Variants in SOX5 observed in about 807,000 individuals in gnomAD.
SOX5 encodes transcription factor SOX-5.
SOX5 carries 9 observed loss-of-function variants against 92.0 expected under a neutral mutation model. The observed-to-expected ratio is 0.10, with a 90% CI of 0.06 to 0.17. The LOEUF (loss-of-function observed/expected upper bound fraction) is 0.17, where lower values mean the gene tolerates loss of function less well. Among genes scored for constraint, SOX5 ranks in the 10% least tolerant of loss-of-function variants. The pLI is 1.00. For missense variants in SOX5, 642 were observed against 944.5 expected (o/e 0.68, Z 4.20); for synonymous variants, 344 against 336.3 (o/e 1.02, Z -0.25).
At chr12:23,556,697 T>C (rs1945235616) in intron 11 of SOX5, among the ~76,000 whole-genome samples, 1 of 152,210 alleles carries the variant, frequency 6.6e-6, no homozygotes, top group African/African-American at 2.4e-5. Flanking sequence ...GCAACATTTA[T>C]AAAACCCATC....
intron 4 of SOX5, among the ~76,000 whole-genome samples, chr12:23,967,306 T>C (rs990314092): frequency 6.6e-6 from 1 of 152,068 alleles, no homozygotes; most frequent in African/African-American, 2.4e-5. Flanking sequence ...GAAAAGTCAA[T>C]TGAAACTGAG....
intron 4 of SOX5, among the ~76,000 whole-genome samples, chr12:24,199,639 A>T (rs1458009046): frequency 6.6e-6 from 1 of 152,182 alleles, no homozygotes; most frequent in Non-Finnish European, 1.5e-5. Context: ...AATGGTTCCA[A>T]CTAAAATTAG....
intron 3 of SOX5, among the ~76,000 whole-genome samples, chr12:23,830,888 T>C (rs182081199): frequency 6.6e-6 from 1 of 152,286 alleles, no homozygotes; most frequent in Admixed American, 6.5e-5. Context: ...AGAACAAGCA[T>C]TGTGATTTAT....
chr12:23,947,501 A>C (rs1944786050), intron 1 of SOX5, among the ~76,000 whole-genome samples: 1 of 151,966 alleles, frequency 6.6e-6, no homozygotes, highest in Non-Finnish European at 1.5e-5. Flanking sequence ...AATGTAAACA[A>C]ATAGTAATGA....
At chr12:23,886,211 C>A (rs2137303802) in intron 2 of SOX5, among the ~76,000 whole-genome samples, 1 of 152,086 alleles carries the variant, frequency 6.6e-6, no homozygotes, top group South Asian at 2.1e-4. Flanking sequence ...CTTGTATATA[C>A]TATTAATTGA....
At chr12:23,760,546 C>T (rs1023680665) in intron 3 of SOX5, among the ~76,000 whole-genome samples, 18 of 152,060 alleles carry the variant, frequency 1.2e-4, no homozygotes, top group African/African-American at 4.3e-4. Flanking sequence ...TCCCTTCTCA[C>T]TCTTGCCTCT....
chr12:23,985,336 A>T (rs528267945), intron 4 of SOX5, among the ~76,000 whole-genome samples: 1 of 151,984 alleles, frequency 6.6e-6, no homozygotes, highest in East Asian at 1.9e-4. Context: ...GTAGCCTCAA[A>T]CTCCTGGCCT....
At chr12:24,446,702 A>C (rs1317986436) in intron 1 of SOX5, among the ~76,000 whole-genome samples, 3 of 152,232 alleles carry the variant, frequency 2.0e-5, no homozygotes, top group African/African-American at 7.2e-5. Context: ...GCCACAGAGC[A>C]GGCAAGAGGT....
intron 4 of SOX5, among the ~76,000 whole-genome samples, chr12:23,987,853 T>C (rs1319501884): frequency 5.3e-5 from 8 of 152,106 alleles, no homozygotes; most frequent in South Asian, 4.1e-4. Context: ...TGGGAATTCA[T>C]TGAAAGGTTA....
intron 1 of SOX5, among the ~76,000 whole-genome samples, chr12:24,544,881 A>ATT (rs1952472976): frequency 6.6e-6 from 1 of 152,254 alleles, no homozygotes; most frequent in African/African-American, 2.4e-5. Context: ...AAGAAGAAAA[A>ATT]GTCAACTGGC....
chr12:23,793,122 C>T (rs2095505150), intron 3 of SOX5, among the ~76,000 whole-genome samples: 2 of 152,108 alleles, frequency 1.3e-5, no homozygotes, highest in South Asian at 4.1e-4. Flanking sequence ...CAGTAATCTT[C>T]CTGTAACTAT....
intron 4 of SOX5, among the ~76,000 whole-genome samples, chr12:24,146,213 TA>T (rs1951066575): frequency 6.6e-6 from 1 of 152,148 alleles, no homozygotes; most frequent in South Asian, 2.1e-4. Flanking sequence ...ATGGAATATT[TA>T]CAGAGTCCAT....
chr12:24,326,811 G>A (rs957848734), intron 2 of SOX5, among the ~76,000 whole-genome samples: 1 of 28,866 alleles, frequency 3.5e-5, no homozygotes, highest in Non-Finnish European at 8.8e-5. Context: ...CACACACACA[G>A]GTCTACCCAC....
At chr12:24,215,656 T>G in intron 3 of SOX5, among the ~76,000 whole-genome samples, 1 of 152,160 alleles carries the variant, frequency 6.6e-6, no homozygotes, top group East Asian at 1.9e-4. Flanking sequence ...CTTAATATTC[T>G]TAAAATGATA....
intron 4 of SOX5, among the ~76,000 whole-genome samples, chr12:24,146,748 A>AG (rs1464269997): frequency 6.6e-6 from 1 of 151,842 alleles, no homozygotes; most frequent in African/African-American, 2.4e-5. Context: ...AAAAAAAAAA[A>AG]AAAAGGAGAG....
At chr12:24,484,880 G>A (rs1946361190) in intron 1 of SOX5, among the ~76,000 whole-genome samples, 1 of 152,100 alleles carries the variant, frequency 6.6e-6, no homozygotes, top group Non-Finnish European at 1.5e-5. Context: ...ATAAGTAAAT[G>A]ATAAAATTAA....
intron 2 of SOX5, among the ~76,000 whole-genome samples, chr12:24,362,366 T>A (rs1355925168): frequency 1.3e-5 from 2 of 152,218 alleles, no homozygotes; most frequent in African/African-American, 4.8e-5. Context: ...CTGCTAAGAT[T>A]TAGTCCTTTT....
At position 23,655,958 on chromosome 12, in the gene SOX5, A is replaced by G. The variant is rs183096830; in HGVS notation, c.931+9486T>C. ...AACAGGAGTATATATTTAATGAATCATAATGATATTTTATATTTATACAAT... is the reference window on the plus strand; with the variant it reads ...AACAGGAGTATATATTTAATGAATCGTAATGATATTTTATATTTATACAAT... On this transcript the variant is annotated intron_variant, in intron 7 of 14. Coordinates refer to ENST00000451604, the MANE Select transcript of SOX5 (RefSeq NM_006940.6). Among the ~76,000 whole-genome samples, 113 of 152,224 alleles carry G rather than the reference A, an allele frequency of 7.4e-4. 1 individual carries two copies. Among genetic ancestry groups the G allele is most frequent in the African/African-American group, 2.6e-3 (108 of 41,544 alleles).
intron 4 of SOX5, among the ~76,000 whole-genome samples, chr12:23,965,147 A>C (rs59556093): frequency 0.04 from 6,028 of 152,292 alleles, 556 homozygotes; most frequent in East Asian, 0.38. Flanking sequence ...TCTACCGTGG[A>C]ACAGATGGAT....
Sources: gnomAD v4.1 joint callset for allele counts (sites outside exome capture counted in the v4.1 genomes callset) on GRCh38, gnomAD v4.1.1 for gene constraint, MANE v1.5 for transcripts, NCBI Gene and HGNC (gene_info 2026-07-23, HGNC 2026-07-21) for gene names.